Variants in C5orf47 observed in about 807,000 individuals in gnomAD.
The protein encoded by C5orf47 is chromosome 5 open reading frame 47.
C5orf47 carries 20 observed loss-of-function variants against 20.6 expected under a neutral mutation model. That is an observed-to-expected ratio of 0.97 (90% CI 0.68 to 1.41). The LOEUF is 1.41. Among genes scored for constraint, C5orf47 ranks in the 40% most tolerant of loss-of-function variants. C5orf47 has a pLI of 0.00. For missense variants in C5orf47, 262 were observed against 238.4 expected, an observed-to-expected ratio of 1.10 and a Z score of -0.65; for synonymous variants, 106 against 97.3, an observed-to-expected ratio of 1.09 and a Z score of -0.53.
Position 174,004,799 on chromosome 5 carries a change from T to C in C5orf47, c.*545T>C, listed in dbSNP as rs1759258044. ...GCTAATGATTATTTAAGCCATCTTT[T>C]CATCCTAAGGAAAATTAGTAAATGT... On this transcript the variant is annotated 3_prime_UTR_variant, in exon 5 of 5. Coordinates refer to ENST00000340147, the MANE Select transcript of C5orf47 (RefSeq NM_001144954.2). 6.6e-6 allele frequency: 1 copy of C among 152,302 alleles called. No homozygotes were observed. The highest frequency in any genetic ancestry group is 1.9e-4 in the East Asian group (1 of 5,330). 9.4% of individuals were successfully genotyped at this position (152,302 alleles called of 1,614,324 possible).
chr5:173,994,176 C>T (rs764523510), intron 1 of C5orf47, among the ~76,000 whole-genome samples: 3 of 152,204 alleles, frequency 2.0e-5, no homozygotes, highest in Admixed American at 6.5e-5. Flanking sequence ...GGTCTGTCGT[C>T]GTCGTGGAGA....
chr5:173,998,335 C>A, intron 2 of C5orf47, 97 bp downstream of exon 2: 7 of 617,002 alleles, frequency 1.1e-5, no homozygotes, highest in Middle Eastern at 4.4e-4. Context: ...GAAAATAGTA[C>A]CATCTTTTGA....
At chr5:174,003,287 G>T (rs984932654) in intron 4 of C5orf47, among the ~76,000 whole-genome samples, 8 of 152,118 alleles carry the variant, frequency 5.3e-5, no homozygotes, top group Non-Finnish European at 8.8e-5. Context: ...AATAGGAGGT[G>T]AAAAAGAAAA....
intron 1 of C5orf47, among the ~76,000 whole-genome samples, chr5:173,996,546 T>C (rs939557686): frequency 6.6e-6 from 1 of 152,184 alleles, no homozygotes; most frequent in Non-Finnish European, 1.5e-5. Flanking sequence ...AGGATAAATA[T>C]GGGTTTATGA....
intron 1 of C5orf47, among the ~76,000 whole-genome samples, chr5:173,991,225 A>G (rs1758991366): frequency 6.6e-6 from 1 of 152,152 alleles, no homozygotes; most frequent in Admixed American, 6.5e-5. Flanking sequence ...CTTGATTCTC[A>G]TGATTTTCCA....
At chr5:173,995,418 T>C (rs1206366644) in intron 1 of C5orf47, among the ~76,000 whole-genome samples, 1 of 152,208 alleles carries the variant, frequency 6.6e-6, no homozygotes, top group East Asian at 1.9e-4. Context: ...GAGAAGTCAC[T>C]AGTGGGACAG....
intron 1 of C5orf47, among the ~76,000 whole-genome samples, chr5:173,992,648 T>C (rs1759019298): frequency 6.6e-6 from 1 of 152,238 alleles, no homozygotes; most frequent in African/African-American, 2.4e-5. Context: ...TAGATTCCAA[T>C]ATGTAGTGTT....
At chr5:174,001,323 A>G in intron 4 of C5orf47, 92 bp downstream of exon 4, 1 of 702,054 alleles carries the variant, frequency 1.4e-6, no homozygotes, top group East Asian at 2.8e-5. Context: ...TGTATAACCA[A>G]TCATTGCTAA....
chr5:173,999,971 C>T (rs1759166783), intron 3 of C5orf47, among the ~76,000 whole-genome samples, 172 bp downstream of exon 3: 1 of 151,704 alleles, frequency 6.6e-6, no homozygotes, highest in African/African-American at 2.4e-5. Flanking sequence ...GTACAGAGCA[C>T]CTGCAAGCAG....
Position 173,989,608 on chromosome 5 carries a change from C to T in C5orf47, c.325+20C>T. Reference sequence around the variant, plus strand: ...GTGCAGGTGGTGCAGCGGGGCAGGGCGGGACCGGGCGCGGCGGGGCGGGAC... The same window carrying T: ...GTGCAGGTGGTGCAGCGGGGCAGGGTGGGACCGGGCGCGGCGGGGCGGGAC... On this transcript the variant is annotated intron_variant, in intron 1 of 4. Coordinates refer to ENST00000340147, the MANE Select transcript of C5orf47 (RefSeq NM_001144954.2). The T allele has an allele frequency of 8.9e-7, 1 of 1,122,872 alleles. No homozygotes were observed. The highest frequency in any genetic ancestry group is 1.2e-6 in the Non-Finnish European group (1 of 866,612). The allele number at this position is 1,122,872 out of a possible 1,614,324, so 69.6% of individuals were successfully genotyped here. A position where few individuals can be genotyped will look rare whatever the true frequency, so the allele number is the denominator to read the frequency against.
At chr5:174,008,162 G>C (rs1294920483), downstream of C5orf47, among the ~76,000 whole-genome samples, 1 of 152,202 alleles carries the variant, frequency 6.6e-6, no homozygotes, top group Non-Finnish European at 1.5e-5. Context: ...ATCCCTTCCA[G>C]AGTGAAAATC....
Position 173,989,212 on chromosome 5 carries a change from G to C in C5orf47, c.-52G>C. The stretch of plus-strand genomic sequence containing the variant: ...TCGCCTGCACAGTGGGCAGTCTGGC[G>C]CCTGTGGCGTCGTGTTTGCTGAGGG... On this transcript the variant is annotated 5_prime_UTR_variant, in exon 1 of 5. Transcript: ENST00000340147. The C allele has an allele frequency of 7.4e-7, 1 of 1,355,226 alleles. No homozygotes were observed. Among genetic ancestry groups the C allele is most frequent in the Non-Finnish European group, 9.5e-7 (1 of 1,054,652 alleles). The allele number at this position is 1,355,226 out of a possible 1,614,324, so 84.0% of individuals were successfully genotyped here.
At chr5:174,003,534 A>C (rs773197824) in intron 4 of C5orf47, among the ~76,000 whole-genome samples, 8 of 152,178 alleles carry the variant, frequency 5.3e-5, no homozygotes, top group Admixed American at 2.6e-4. Flanking sequence ...ATGCTAAGCA[A>C]GTTATTGGAA....
intron 1 of C5orf47, among the ~76,000 whole-genome samples, chr5:173,995,794 GTTAT>G (rs1160330877): frequency 6.6e-6 from 1 of 152,174 alleles, no homozygotes; most frequent in African/African-American, 2.4e-5. Context: ...CTTGCAGACT[GTTAT>G]TTTTATAGTC....
chr5:173,993,729 G>GA (rs950288529), intron 1 of C5orf47, among the ~76,000 whole-genome samples: 156 of 150,922 alleles, frequency 1.0e-3, no homozygotes, highest in African/African-American at 3.3e-3. Flanking sequence ...AGGTTAGACT[G>GA]AAAAAAAAAT....
intron 2 of C5orf47, 32 bp from the exon 3 acceptor site, chr5:173,999,668 C>A: frequency 2.8e-6 from 3 of 1,075,218 alleles, no homozygotes; most frequent in South Asian, 3.4e-5. Flanking sequence ...CTTTTCTGCT[C>A]AGCATTCCTT....
chr5:174,008,590 T>G (rs998480660), downstream of C5orf47, among the ~76,000 whole-genome samples: 1 of 152,096 alleles, frequency 6.6e-6, no homozygotes, highest in Non-Finnish European at 1.5e-5. Context: ...CCCAGCACTT[T>G]GGGAGGCTGA....
chr5:174,008,624 A>C (rs1759327433), downstream of C5orf47, among the ~76,000 whole-genome samples: 1 of 152,028 alleles, frequency 6.6e-6, no homozygotes. Flanking sequence ...CGAGGTCAGG[A>C]GATCGAGACC....
At chr5:174,006,985 G>A (rs1312059644), downstream of C5orf47, among the ~76,000 whole-genome samples, 1 of 152,140 alleles carries the variant, frequency 6.6e-6, no homozygotes, top group Non-Finnish European at 1.5e-5. Flanking sequence ...CTCCAAGACA[G>A]GCCTCAAAGG....
Sources: gnomAD v4.1 joint callset for allele counts (sites outside exome capture counted in the v4.1 genomes callset) on GRCh38, gnomAD v4.1.1 for gene constraint, MANE v1.5 for transcripts, NCBI Gene and HGNC (gene_info 2026-07-23, HGNC 2026-07-21) for gene names.